The following EDRF1 variants were observed in gnomAD, a reference collection of about 807,000 sequenced individuals.
EDRF1 encodes erythroid differentiation regulatory factor 1.
In EDRF1, 69 loss-of-function variants were observed where a neutral mutation model predicts 148.7. The observed-to-expected ratio is 0.46, with a 90% CI of 0.38 to 0.57. The LOEUF (loss-of-function observed/expected upper bound fraction) is 0.57. EDRF1 is among the 20% of genes least tolerant of loss of function. The pLI is 0.00. For synonymous variants in EDRF1, 515 were observed against 532.8 expected (o/e 0.97, Z 0.46); for missense variants, 1,118 against 1,478.7 (o/e 0.76, Z 4.00).
chr10:125,748,488 C>A, intron 21 of EDRF1: 1 of 195,266 alleles, frequency 5.1e-6, no homozygotes, highest in Non-Finnish European at 1.1e-5. Flanking sequence ...TAATCTGAGG[C>A]CGAGGATAAA....
chr10:125,726,808 C>T (rs1013544420), intron 6 of EDRF1, among the ~76,000 whole-genome samples: 1 of 152,146 alleles, frequency 6.6e-6, no homozygotes, highest in Non-Finnish European at 1.5e-5. Context: ...GTGGTAACAA[C>T]CAAGAAGTAG....
intron 9 of EDRF1, 44 bp downstream of exon 9, chr10:125,730,443 G>C (rs1848436694): frequency 6.7e-7 from 1 of 1,492,750 alleles, no homozygotes; most frequent in Non-Finnish European, 9.3e-7. Context: ...ATGCAAATTG[G>C]TACAGAGAGT....
In EDRF1 at chr10:125,763,572, A is replaced by G; in HGVS notation, c.*100A>G. 1.5e-6 allele frequency: 2 copies of G among 1,315,970 alleles called. No individual in the cohort carries two copies. Among genetic ancestry groups the G allele is most frequent in the Non-Finnish European group, 2.1e-6 (2 of 946,988 alleles). 81.5% of individuals were successfully genotyped at this position (1,315,970 alleles called of 1,614,324 possible). On this transcript the variant is annotated 3_prime_UTR_variant, in exon 25 of 25. Transcript: ENST00000356792. This position sits in a 1 kb window ranked among gnomAD's most constrained non-coding sequence, Gnocchi z 4.3. ...TTCATTAAATAATAGGGAAATATCC[A>G]TTTAAAACAGGTATATCAGTGGAAA... is the stretch of plus-strand genomic sequence containing the variant.
Position 125,725,246 on chromosome 10 carries a change from G to C in EDRF1, c.511-72G>C, listed in dbSNP as rs1039257021. The C allele has an allele frequency of 2.5e-6, 4 of 1,577,708 alleles. No homozygotes were observed. In the African/African-American group the frequency reaches 5.4e-5, roughly 21 times the overall value. ...TCAAAAAATAATAGGAGCCTTTTCT[G>C]TAAGCTAGTACTAGGTAACATTGTT... is the stretch of plus-strand genomic sequence containing the variant. On this transcript the variant is annotated intron_variant, in intron 4 of 24. Coordinates refer to ENST00000356792, the MANE Select transcript of EDRF1 (RefSeq NM_001202438.2).
rs1166019130 is a variant in EDRF1, at chr10:125,725,763, T to C, written c.717T>C (p.Asp239=). The C allele has an allele frequency of 6.2e-7, 1 of 1,614,084 alleles. No individual in the cohort carries two copies. The highest frequency in any genetic ancestry group is 8.5e-7 in the Non-Finnish European group (1 of 1,180,006). The part of the protein sequence containing the change: ...QESSSSDQTN[D]SEGASWPAPF... ...CGTCCAGTTCAGATCAGACAAATGA[T>C]TCGGAAGGGGCTTCATGGCCTGCTC... Residue 239 remains aspartate (D), a synonymous_variant, in exon 6 of 25, where the codon GAT becomes GAC. Transcript: ENST00000356792.
chr10:125,727,036 GT>G (rs5788713), intron 6 of EDRF1, among the ~76,000 whole-genome samples: 109,978 of 151,424 alleles, frequency 0.73, 40,322 homozygotes, highest in East Asian at 0.89. Flanking sequence ...TTTGTACAAG[GT>G]TTTTTTTTTC....
chr10:125,761,480 T>G (rs1850192965), intron 24 of EDRF1, among the ~76,000 whole-genome samples: 2 of 152,244 alleles, frequency 1.3e-5, no homozygotes, highest in Non-Finnish European at 1.5e-5. Flanking sequence ...GGGAGCTCTC[T>G]GCTGCAGTGC....
Position 125,733,441 on chromosome 10 carries a change from T to G in EDRF1, c.1166T>G (p.Leu389Trp). Residue 389 changes from leucine (L) to tryptophan (W), a missense_variant, in exon 10 of 25, where the codon TTG (leucine) becomes TGG (tryptophan). Transcript: ENST00000356792. ...ATAAAGACAGAAGAAATTCCCAATTTGGAAAATTCTAATTTTTCTACTAAA... is the reference window on the plus strand; with the variant it reads ...ATAAAGACAGAAGAAATTCCCAATTGGGAAAATTCTAATTTTTCTACTAAA... Reference protein sequence around the residue: ...EMIKTEEIPNLENSNFSTKVI... With the variant: ...EMIKTEEIPNWENSNFSTKVI... 1 of 1,590,490 alleles carries G rather than the reference T, an allele frequency of 6.3e-7. No individual in the cohort carries two copies. The highest frequency in any genetic ancestry group is 8.6e-7 in the Non-Finnish European group (1 of 1,162,022).
intron 9 of EDRF1, among the ~76,000 whole-genome samples, chr10:125,732,312 G>T (rs1848514155): frequency 6.6e-6 from 1 of 152,160 alleles, no homozygotes; most frequent in Admixed American, 6.6e-5. Context: ...AGATTCCAGG[G>T]TTTAGGGACT....
intron 22 of EDRF1, among the ~76,000 whole-genome samples, chr10:125,750,080 G>A (rs1476273355): frequency 6.6e-6 from 1 of 152,224 alleles, no homozygotes; most frequent in Non-Finnish European, 1.5e-5. Flanking sequence ...GGCGAAGGTT[G>A]CAGTGAGCCA....
At chr10:125,733,006 A>AT (rs1421961333) in intron 9 of EDRF1, among the ~76,000 whole-genome samples, 2 of 152,298 alleles carry the variant, frequency 1.3e-5, no homozygotes, top group Non-Finnish European at 2.9e-5. Context: ...GCAAAAAAAA[A>AT]GGCCAGAAAT....
At chr10:125,728,272 G>GT (rs1848351919) in intron 6 of EDRF1, among the ~76,000 whole-genome samples, 1 of 151,630 alleles carries the variant, frequency 6.6e-6, no homozygotes, top group Non-Finnish European at 1.5e-5. Context: ...GGAAACATTG[G>GT]TTTTTACAAA....
At chr10:125,748,589 T>TCCC (rs202232128) in intron 21 of EDRF1, 1 of 98,454 alleles carries the variant, frequency 1.0e-5, no homozygotes, top group African/African-American at 3.0e-5. Context: ...TTTGTTGATT[T>TCCC]TCCCCCCCCG....
intron 6 of EDRF1, 29 bp downstream of exon 6, chr10:125,725,867 C>T (rs1280630987): frequency 1.9e-6 from 3 of 1,604,142 alleles, no homozygotes; most frequent in East Asian, 2.2e-5. Flanking sequence ...ATTCTAGAAA[C>T]TCACATAGGA....
chr10:125,727,366 T>A (rs1281337383), intron 6 of EDRF1, among the ~76,000 whole-genome samples: 1 of 152,252 alleles, frequency 6.6e-6, no homozygotes, highest in Non-Finnish European at 1.5e-5. Context: ...AAGCTATCTC[T>A]GCACAAATTC....
Position 125,723,947 on chromosome 10 carries a change from T to C in EDRF1, c.510+11T>C. 6.2e-7 allele frequency: 1 copy of C among 1,612,920 alleles called. No individual in the cohort carries two copies. The highest frequency in any genetic ancestry group is 8.5e-7 in the Non-Finnish European group (1 of 1,179,166). The stretch of plus-strand genomic sequence containing the variant: ...ATGAGATCGTCTCAGGTAATGCTTT[T>C]GTGAAAAAATCCAACAAAACATTAA... On this transcript the variant is annotated intron_variant, in intron 4 of 24. Transcript: ENST00000356792.
rs771665533 is a variant in EDRF1 at position 125,743,074 on chromosome 10, T to C, written c.2388T>C (p.Thr796=). The change falls in exon 18 of 25, where the codon ACT becomes ACC. Residue 796 remains threonine (T), a synonymous_variant. Coordinates refer to ENST00000356792, the MANE Select transcript of EDRF1 (RefSeq NM_001202438.2). ...ESSCQGFAWA[T]DLSTDLESQL... ...TCTTTTCAGGATTTGCATGGGCAAC[T>C]GATTTGTCTACAGACTTAGAAAGTC... 2 of 1,613,800 alleles carry C rather than the reference T, an allele frequency of 1.2e-6. No homozygotes were observed. Among genetic ancestry groups the C allele is most frequent in the Non-Finnish European group, 8.5e-7 (1 of 1,179,920 alleles).
At position 125,719,884 on chromosome 10, in the gene EDRF1, C is replaced by A. The variant is rs751336062; in HGVS notation, c.77C>A (p.Ser26Tyr). ...GCTCGAGGAGGGCTCAGCCTCCTGT[C>A]CCAGGGAGAATCCGAGGAATCTTCT... ...AAARGGLSLL[S>Y]QGESEESSAQ... Residue 26 changes from serine (S) to tyrosine (Y), a missense_variant, in exon 1 of 25, where the codon TCC becomes TAC. Transcript: ENST00000356792. 1 of 1,613,272 alleles carries A rather than the reference C, an allele frequency of 6.2e-7. No homozygotes were observed. Among genetic ancestry groups the A allele is most frequent in the Non-Finnish European group, 8.5e-7 (1 of 1,179,884 alleles).
chr10:125,763,239 C>A lies in EDRF1; in HGVS notation c.3546-62C>A. ...GCTGTCACTGTCCGGTTTTCTGGACCTCTGAATTGTCGGTAGGCATTGCTG... is the reference window on the plus strand; with the variant it reads ...GCTGTCACTGTCCGGTTTTCTGGACATCTGAATTGTCGGTAGGCATTGCTG... On this transcript the variant is annotated intron_variant, in intron 24 of 24. Transcript: ENST00000356792. This position sits in a 1 kb window ranked among gnomAD's most constrained non-coding sequence, Gnocchi z 4.3. 6.6e-7 allele frequency: 1 copy of A among 1,523,278 alleles called. No individual in the cohort carries two copies. The highest frequency in any genetic ancestry group is 1.1e-5 in the South Asian group (1 of 89,050). 94.4% of individuals were successfully genotyped at this position (1,523,278 alleles called of 1,614,324 possible).
Sources: allele counts gnomAD v4.1 joint callset (sites outside exome capture counted in the v4.1 genomes callset), GRCh38; gene constraint gnomAD v4.1.1; non-coding constraint Gnocchi (gnomAD v3.1); transcripts MANE v1.5; gene names NCBI Gene and HGNC (gene_info 2026-07-23, HGNC 2026-07-21).